The following KIF1B variants were observed in gnomAD, a reference collection of about 807,000 sequenced individuals.
KIF1B encodes kinesin-like protein KIF1B.
A neutral mutation model predicts 241.9 loss-of-function variants in KIF1B; 76 were observed. The observed-to-expected ratio is 0.31, with a 90% confidence interval of 0.26 to 0.38. The LOEUF (loss-of-function observed/expected upper bound fraction) is 0.38, where lower values mean the gene tolerates loss of function less well. Among genes scored for constraint, KIF1B ranks in the 10% least tolerant of loss-of-function variants. KIF1B has a pLI of 1.00. For missense variants in KIF1B, 1,622 were observed against 2,271.4 expected, an observed-to-expected ratio of 0.71 and a Z score of 5.81; for synonymous variants, 750 against 796.7, an observed-to-expected ratio of 0.94 and a Z score of 0.99.
At chr1:10,317,654 A>T (rs1279555301) in intron 22 of KIF1B, among the ~76,000 whole-genome samples, 1 of 151,356 alleles carries the variant, frequency 6.6e-6, no homozygotes, top group Non-Finnish European at 1.5e-5. Flanking sequence ...ACATAGTGAA[A>T]CCCTGTCTCT....
intron 14 of KIF1B, 138 bp downstream of exon 14, chr1:10,279,276 A>ATTTC: frequency 2.0e-6 from 1 of 503,396 alleles, no homozygotes; most frequent in Non-Finnish European, 3.5e-6. Flanking sequence ...AGAATCAGAA[A>ATTTC]TGATCCTATT....
At chr1:10,233,710 CTTT>C (rs61200537) in intron 2 of KIF1B, among the ~76,000 whole-genome samples, 1 of 142,644 alleles carries the variant, frequency 7.0e-6, no homozygotes, top group Non-Finnish European at 1.5e-5. Context: ...CTCAATAAAG[CTTT>C]TTTTTTTTTT....
intron 6 of KIF1B, 68 bp downstream of exon 6, chr1:10,267,626 G>A: frequency 6.8e-7 from 1 of 1,469,724 alleles, no homozygotes; most frequent in Non-Finnish European, 9.5e-7. Flanking sequence ...TCCCAGTTAA[G>A]GGTTTGAGGC....
intron 22 of KIF1B, chr1:10,299,082 A>G (rs534644869): frequency 3.9e-5 from 6 of 151,908 alleles, no homozygotes; most frequent in South Asian, 2.1e-4. Flanking sequence ...AAAAAAAAAA[A>G]AAAGAAACAA....
At position 10,380,360 on chromosome 1, in the gene KIF1B, C is replaced by CT. The variant is rs1290706974; in HGVS notation, c.*3776dup. The CT allele has an allele frequency of 4.9e-6, 1 of 203,206 alleles. No individual in the cohort carries two copies. The highest frequency in any genetic ancestry group is 2.3e-5 in the African/African-American group (1 of 43,570). 12.6% of individuals were successfully genotyped at this position (203,206 alleles called of 1,614,324 possible). A position where few individuals can be genotyped will look rare whatever the true frequency, so the allele number is the denominator to read the frequency against. On this transcript the variant is annotated 3_prime_UTR_variant, in exon 49 of 49. Coordinates refer to ENST00000676179, the MANE Select transcript of KIF1B (RefSeq NM_001365951.3). ...GTATCAGGGCTTGTTTGACTTAGGT[C>CT]TTTCAGTTTTCCTTTCGGTTCCCTT... is the stretch of plus-strand genomic sequence containing the variant.
chr1:10,348,680 T>A lies in KIF1B; in HGVS notation c.3896T>A (p.Ile1299Asn). 1 of 1,614,138 alleles carries A rather than the reference T, an allele frequency of 6.2e-7. No homozygotes were observed. Among genetic ancestry groups the A allele is most frequent in the Non-Finnish European group, 8.5e-7 (1 of 1,180,012 alleles). Residue 1299 changes from isoleucine (I) to asparagine (N), a missense_variant, in exon 37 of 49, where the codon ATC (isoleucine) becomes AAC (asparagine). Ile to Asn is a moderately radical substitution (Grantham distance 149). This residue lies in a region of KIF1B where 803 missense variants were observed against 1,112.0 expected (regional missense o/e 0.72). Coordinates refer to ENST00000676179, the MANE Select transcript of KIF1B (RefSeq NM_001365951.3). ...CAGCGAAGGATCACAGTGACCATTA[T>A]CCATGAGAAGGGGAGCGAGCTCCAT... Reference protein sequence around the residue: ...GIQRRITVTIIHEKGSELHWK... With the variant: ...GIQRRITVTINHEKGSELHWK...
chr1:10,240,013 G>A (rs1285276100), intron 2 of KIF1B, among the ~76,000 whole-genome samples: 1 of 152,048 alleles, frequency 6.6e-6, no homozygotes, highest in South Asian at 2.1e-4. Context: ...TGATCAGCCT[G>A]CCTCGGCCTC....
chr1:10,352,641 G>T lies in KIF1B; in HGVS notation c.3960G>T (p.Arg1320=). The stretch of plus-strand genomic sequence containing the variant: ...TATCCTTTCTTTTAGGTCGTATTCG[G>T]AATAAGCCTGAGGTGGATGAAGCTG... ...DVRELVVGRI[R]NKPEVDEAAV... is the part of the protein sequence containing the mutation. The change falls in exon 38 of 49, where the codon CGG becomes CGT. Residue 1320 remains arginine, a synonymous_variant. Transcript: ENST00000676179. The T allele has an allele frequency of 6.2e-7, 1 of 1,613,484 alleles. No homozygotes were observed. Among genetic ancestry groups the T allele is most frequent in the Admixed American group, 1.7e-5 (1 of 59,994 alleles).
intron 1 of KIF1B, among the ~76,000 whole-genome samples, chr1:10,214,068 A>G (rs1191552533): frequency 1.3e-5 from 2 of 152,028 alleles, no homozygotes; most frequent in Non-Finnish European, 2.9e-5. Flanking sequence ...TTGAGATTAC[A>G]GTGAGCTAAG....
chr1:10,243,582 T>G (rs1311405804), intron 2 of KIF1B, among the ~76,000 whole-genome samples: 2 of 152,222 alleles, frequency 1.3e-5, no homozygotes, highest in Non-Finnish European at 2.9e-5. Context: ...GATGAAGGAA[T>G]TGATACAAAG....
At chr1:10,295,576 A>G in intron 18 of KIF1B, 84 bp from the exon 19 acceptor site, 1 of 1,229,526 alleles carries the variant, frequency 8.1e-7, no homozygotes, top group Non-Finnish European at 1.2e-6. Flanking sequence ...GTACCAAAGG[A>G]TATTCTTTGG....
intron 22 of KIF1B, chr1:10,307,338 C>T: frequency 1.0e-6 from 1 of 980,328 alleles, no homozygotes; most frequent in Non-Finnish European, 1.2e-6. Context: ...TTGTGATAGT[C>T]TTGCTCTGTC....
intron 2 of KIF1B, among the ~76,000 whole-genome samples, chr1:10,250,168 G>A (rs1415584734): frequency 6.6e-6 from 1 of 151,998 alleles, no homozygotes; most frequent in Non-Finnish European, 1.5e-5. Flanking sequence ...CATACCTACT[G>A]AATATTGAGA....
chr1:10,247,960 T>C (rs1445610891), intron 2 of KIF1B, among the ~76,000 whole-genome samples: 1 of 152,180 alleles, frequency 6.6e-6, no homozygotes, highest in Non-Finnish European at 1.5e-5. Flanking sequence ...ATAGGATTCA[T>C]GCTGGTATGA....
intron 1 of KIF1B, among the ~76,000 whole-genome samples, chr1:10,216,035 T>A (rs145559909): frequency 9.2e-5 from 14 of 152,330 alleles, no homozygotes; most frequent in African/African-American, 3.4e-4. Flanking sequence ...ACTTTACGTT[T>A]ATTAACTAAT....
chr1:10,346,777 G>T (rs1420253748), intron 35 of KIF1B, among the ~76,000 whole-genome samples: 1 of 152,220 alleles, frequency 6.6e-6, no homozygotes, highest in African/African-American at 2.4e-5. Flanking sequence ...GGAGGACATA[G>T]AAGGGCAGAA....
intron 2 of KIF1B, among the ~76,000 whole-genome samples, chr1:10,239,891 G>A (rs185823858): frequency 2.0e-5 from 3 of 150,984 alleles, no homozygotes; most frequent in Admixed American, 6.6e-5. Context: ...TCAGCCTCCC[G>A]AGTAGCTGGG....
At position 10,253,365 on chromosome 1, in the gene KIF1B, G is replaced by C. The variant is rs1647578893; in HGVS notation, c.107-2882G>C. ...AGCATCAAATAGGTTAGTAGGTCTGGTGTGGTGGCTCACACCTGTAATCCC... is the reference window on the plus strand; with the variant it reads ...AGCATCAAATAGGTTAGTAGGTCTGCTGTGGTGGCTCACACCTGTAATCCC... On this transcript the variant is annotated intron_variant, in intron 2 of 48. Transcript: ENST00000676179. Among the ~76,000 whole-genome samples the C allele has an allele frequency of 6.6e-5, 10 of 152,318 alleles. No homozygotes were observed. In the South Asian group the frequency reaches 2.1e-3, roughly 32 times the overall value.
intron 1 of KIF1B, among the ~76,000 whole-genome samples, chr1:10,227,021 C>T (rs1430481393): frequency 2.8e-5 from 4 of 144,008 alleles, no homozygotes; most frequent in South Asian, 2.2e-4. Flanking sequence ...TGATAAATAA[C>T]GCAAGTCTCT....
Sources: allele counts gnomAD v4.1 joint callset (sites outside exome capture counted in the v4.1 genomes callset), GRCh38; gene constraint gnomAD v4.1.1; regional missense constraint gnomAD v4.1.1; transcripts MANE v1.5; gene names NCBI Gene and HGNC (gene_info 2026-07-23, HGNC 2026-07-21).